ATXN7: variants seen among roughly 807,000 people sequenced by gnomAD.
The protein encoded by ATXN7 is ataxin-7.
A neutral mutation model predicts 70.5 loss-of-function variants in ATXN7; 12 were observed. The observed-to-expected ratio is 0.17, with a 90% confidence interval of 0.11 to 0.28. The LOEUF (loss-of-function observed/expected upper bound fraction) is 0.28. Among genes scored for constraint, ATXN7 ranks in the 10% least tolerant of loss-of-function variants. The pLI, the probability that ATXN7 is intolerant of heterozygous loss-of-function variation, is 1.00. For missense variants in ATXN7, 1,256 were observed against 1,131.7 expected, an observed-to-expected ratio of 1.11 and a Z score of -1.58; for synonymous variants, 498 against 448.7, an observed-to-expected ratio of 1.11 and a Z score of -1.39.
chr3:63,866,788 T>C (rs562779996), intron 1 of ATXN7: 2 of 152,302 alleles, frequency 1.3e-5, no homozygotes, highest in East Asian at 3.9e-4. Flanking sequence ...TTGATGAATG[T>C]TAAAGTAGCA....
chr3:63,999,591 G>A lies in ATXN7; in HGVS notation c.*124G>A, dbSNP rs779908613. 10 of 1,530,406 alleles carry A rather than the reference G, an allele frequency of 6.5e-6. No individual in the cohort carries two copies. In the Admixed American group the frequency reaches 1.7e-4, roughly 27 times the overall value. 94.8% of individuals were successfully genotyped at this position (1,530,406 alleles called of 1,614,324 possible). A position where few individuals can be genotyped will look rare whatever the true frequency, so the allele number is the denominator to read the frequency against. On this transcript the variant is annotated 3_prime_UTR_variant, in exon 13 of 13. Transcript: ENST00000674280. Reference sequence around the variant, plus strand: ...TTTCCCAACCTCCTGTGGGCCTCAAGGGTAGAAACCTGCCGGGCTGTTGTT... The same window carrying A: ...TTTCCCAACCTCCTGTGGGCCTCAAAGGTAGAAACCTGCCGGGCTGTTGTT...
chr3:63,994,442 C>T (rs1168242128), intron 11 of ATXN7, among the ~76,000 whole-genome samples: 1 of 152,122 alleles, frequency 6.6e-6, no homozygotes, highest in African/African-American at 2.4e-5. Flanking sequence ...ACCATGTTGG[C>T]CAGGCTGGTC....
At chr3:63,885,742 C>T (rs960540051) in intron 1 of ATXN7, among the ~76,000 whole-genome samples, 3 of 152,160 alleles carry the variant, frequency 2.0e-5, no homozygotes, top group Non-Finnish European at 2.9e-5. Flanking sequence ...TTAGGCCAGG[C>T]ACAGTGGCTC....
chr3:63,903,055 T>TATCATCATC (rs770295546), intron 2 of ATXN7, among the ~76,000 whole-genome samples: 2 of 151,308 alleles, frequency 1.3e-5, no homozygotes, highest in Admixed American at 6.6e-5. Flanking sequence ...TGCATAGACT[T>TATCATCATC]ATCATCATCA....
intron 1 of ATXN7, among the ~76,000 whole-genome samples, chr3:63,886,920 A>T (rs1703102242): frequency 1.3e-5 from 2 of 152,286 alleles, no homozygotes; most frequent in African/African-American, 4.8e-5. Flanking sequence ...TCCTACTGGC[A>T]TGACTTTTTT....
At chr3:63,940,392 TAA>T (rs2074737642) in intron 4 of ATXN7, among the ~76,000 whole-genome samples, 1 of 151,582 alleles carries the variant, frequency 6.6e-6, no homozygotes, top group South Asian at 2.1e-4. Context: ...TTTAAAAACG[TAA>T]AGACAGGTCA....
intron 4 of ATXN7, among the ~76,000 whole-genome samples, chr3:63,931,262 T>C (rs1704946784): frequency 6.6e-6 from 1 of 152,194 alleles, no homozygotes; most frequent in Non-Finnish European, 1.5e-5. Flanking sequence ...TGCTGATTTA[T>C]TGTTTCTAGT....
chr3:63,888,698 C>T (rs1427041308), intron 1 of ATXN7, among the ~76,000 whole-genome samples: 1 of 152,114 alleles, frequency 6.6e-6, no homozygotes, highest in Non-Finnish European at 1.5e-5. Context: ...ATCGCTTGAA[C>T]CTGGGAGGCA....
intron 1 of ATXN7, among the ~76,000 whole-genome samples, chr3:63,892,203 A>T (rs1392367310): frequency 6.6e-6 from 1 of 152,218 alleles, no homozygotes; most frequent in Non-Finnish European, 1.5e-5. Context: ...CTAAGGGACC[A>T]TGCTAGACTA....
At chr3:63,893,433 A>T (rs538594143) in intron 1 of ATXN7, among the ~76,000 whole-genome samples, 1 of 152,324 alleles carries the variant, frequency 6.6e-6, no homozygotes, top group East Asian at 1.9e-4. Context: ...CCTGGGAGAG[A>T]TAGGCTCAAG....
intron 11 of ATXN7, among the ~76,000 whole-genome samples, chr3:63,991,175 G>A (rs2075665720): frequency 6.6e-6 from 1 of 152,168 alleles, no homozygotes; most frequent in African/African-American, 2.4e-5. Context: ...CTAAGTGACA[G>A]AATGGAAACA....
At chr3:63,881,186 C>G (rs1319433417) in intron 1 of ATXN7, among the ~76,000 whole-genome samples, 3 of 152,130 alleles carry the variant, frequency 2.0e-5, no homozygotes, top group Admixed American at 1.3e-4. Context: ...AAATAGAAAA[C>G]AGGATTTAAA....
rs369769624 is a variant in ATXN7 at position 63,914,468 on chromosome 3, CTTG to C, written c.394+1247_394+1249del. ...AAGGAAAGCAAGGGAAAGCACAGGA[CTTG>C]TTGATGATGTTGCAATATGAAAAAT... On this transcript the variant is annotated intron_variant, in intron 4 of 12. Coordinates refer to ENST00000674280, the MANE Select transcript of ATXN7 (RefSeq NM_001377405.1). 2.2e-4 allele frequency among the ~76,000 whole-genome samples: 33 copies of C among 152,272 alleles called. 1 individual carries two copies. In the South Asian group the frequency reaches 6.2e-3, roughly 29 times the overall value.
intron 4 of ATXN7, among the ~76,000 whole-genome samples, chr3:63,915,081 G>T (rs766509739): frequency 1.3e-5 from 2 of 152,050 alleles, no homozygotes; most frequent in African/African-American, 4.8e-5. Flanking sequence ...GACTGCAGGC[G>T]GCGGGCCACC....
At chr3:63,899,669 A>C (rs1033495310) in intron 2 of ATXN7, among the ~76,000 whole-genome samples, 1 of 151,756 alleles carries the variant, frequency 6.6e-6, no homozygotes, top group Non-Finnish European at 1.5e-5. Context: ...GCTGGAGTGC[A>C]GTGGCGCCAT....
In ATXN7 at chr3:64,000,404, T is replaced by G. The variant is rs1401809759; in HGVS notation, c.*937T>G. On this transcript the variant is annotated 3_prime_UTR_variant, in exon 13 of 13. Transcript: ENST00000674280. ...TTTCATAGTAAACAGTATGGCAGAT[T>G]GGGTTGGTTGTCCTACCTGGTCTAT... 3 of 152,600 alleles carry G rather than the reference T, an allele frequency of 2.0e-5. No homozygotes were observed. The highest frequency in any genetic ancestry group is 1.5e-5 in the Non-Finnish European group (1 of 68,014). 9.5% of individuals were successfully genotyped at this position (152,600 alleles called of 1,614,324 possible).
At chr3:63,990,574 A>G (rs1226412063) in intron 10 of ATXN7, 164 bp from the exon 11 acceptor site, 7 of 1,266,038 alleles carry the variant, frequency 5.5e-6, no homozygotes, top group African/African-American at 4.4e-5. Context: ...TTTCTCTTCC[A>G]TGACGCTCAG....
intron 1 of ATXN7, among the ~76,000 whole-genome samples, chr3:63,866,311 G>A (rs991675999): frequency 2.0e-5 from 3 of 152,146 alleles, no homozygotes; most frequent in South Asian, 4.1e-4. Flanking sequence ...GCAGTGGCAC[G>A]ATCATCAGGG....
chr3:63,945,703 G>A (rs149339248), intron 4 of ATXN7, among the ~76,000 whole-genome samples: 113 of 152,334 alleles, frequency 7.4e-4, no homozygotes, highest in Non-Finnish European at 1.2e-3. Flanking sequence ...ATGGAATGTA[G>A]TCTAGTGGGA....
Sources: allele counts gnomAD v4.1 joint callset (sites outside exome capture counted in the v4.1 genomes callset), GRCh38; gene constraint gnomAD v4.1.1; transcripts MANE v1.5; gene names NCBI Gene and HGNC (gene_info 2026-07-23, HGNC 2026-07-21).